The following PDK1 variants were observed in gnomAD, a reference collection of about 807,000 sequenced individuals.
PDK1 encodes pyruvate dehydrogenase kinase 1, also known as [Pyruvate dehydrogenase (acetyl-transferring)] kinase isozyme 1, mitochondrial.
Under a neutral mutation model 54.2 loss-of-function variants are expected in PDK1, and 39 were observed. The ratio of observed to expected loss-of-function variants is 0.72; its 90% confidence interval spans 0.56 to 0.94. The LOEUF is 0.94. PDK1 is among the 40% of genes least tolerant of loss of function. The probability of loss-of-function intolerance (pLI) is 0.00; values close to 1 mark genes in which losing one functional copy is unlikely to be tolerated. For missense variants in PDK1, 552 were observed against 566.0 expected, an observed-to-expected ratio of 0.98 and a Z score of 0.25; for synonymous variants, 221 against 207.1, an observed-to-expected ratio of 1.07 and a Z score of -0.58.
At chr2:172,646,567 T>C in the PDK1 span, among the ~76,000 whole-genome samples, 1 of 151,796 alleles carries the variant, frequency 6.6e-6, no homozygotes, top group Non-Finnish European at 1.5e-5. Context: ...GAGGGATGAA[T>C]TTTGTTAGCC....
Position 172,565,054 on chromosome 2 carries a change from T to C in PDK1, c.672T>C (p.Asn224=), listed in dbSNP as rs201965407. 2 of 1,593,282 alleles carry C rather than the reference T, an allele frequency of 1.3e-6. No individual in the cohort carries two copies. Among genetic ancestry groups the C allele is most frequent in the Non-Finnish European group, 1.7e-6 (2 of 1,161,272 alleles). The change falls in exon 5 of 11, where the codon AAT becomes AAC. Residue 224 remains asparagine, a synonymous_variant. Transcript: ENST00000282077. The part of the protein sequence containing the change: ...KHIGSINPNC[N]VLEVIKDGYE... ...TTGGAAGCATAAATCCAAACTGCAA[T>C]GTACTTGAAGTTATTAAAGGTAAAT... is the stretch of plus-strand genomic sequence containing the variant.
At chr2:172,612,903 G>A (rs192611142), downstream of PDK1, among the ~76,000 whole-genome samples, 241 of 152,116 alleles carry the variant, frequency 1.6e-3, no homozygotes, top group Non-Finnish European at 2.4e-3. Flanking sequence ...CAGGTGATCC[G>A]CCCACCTCGG....
chr2:172,574,976 A>C (rs1311805142), intron 8 of PDK1, among the ~76,000 whole-genome samples: 1 of 152,204 alleles, frequency 6.6e-6, no homozygotes, highest in South Asian at 2.1e-4. Flanking sequence ...GTCTTTCACT[A>C]TTAAGTATGA....
At chr2:172,723,636 T>G in the PDK1 span, 1 of 152,210 alleles carries the variant, frequency 6.6e-6, no homozygotes, top group African/African-American at 2.4e-5. Context: ...CAATGCTCAA[T>G]CCTCCATTGA....
the PDK1 span, among the ~76,000 whole-genome samples, chr2:172,640,955 TTC>T: frequency 1.3e-5 from 2 of 149,784 alleles, no homozygotes; most frequent in African/African-American, 2.5e-5. Context: ...TCTTTTCTCT[TTC>T]TCTGTTTCTC....
chr2:172,580,118 G>A (rs538906270), intron 8 of PDK1, among the ~76,000 whole-genome samples: 3 of 150,302 alleles, frequency 2.0e-5, no homozygotes, highest in South Asian at 4.2e-4. Context: ...TGCATTGTCC[G>A]TTTCCTGAGT....
At chr2:172,577,603 GT>G (rs1032467882) in intron 8 of PDK1, among the ~76,000 whole-genome samples, 13 of 151,994 alleles carry the variant, frequency 8.6e-5, no homozygotes, top group African/African-American at 2.9e-4. Context: ...ATTTCTTTGA[GT>G]TTTTTAAGTA....
At chr2:172,622,493 ATC>A in the PDK1 span, among the ~76,000 whole-genome samples, 887 of 130,516 alleles carry the variant, frequency 6.8e-3, 32 homozygotes, top group East Asian at 0.17. Context: ...ATATGTTTAT[ATC>A]TCATATATTA....
chr2:172,662,586 G>A, the PDK1 span, among the ~76,000 whole-genome samples: 9 of 148,410 alleles, frequency 6.1e-5, no homozygotes, highest in South Asian at 4.3e-4. Flanking sequence ...GAAGGCTGTC[G>A]TACTGATTAT....
intron 1 of PDK1, 47 bp downstream of exon 1, chr2:172,556,393 GGGAGC>G: frequency 7.6e-7 from 1 of 1,321,890 alleles, no homozygotes; most frequent in Non-Finnish European, 9.8e-7. Context: ...GTCCCGGGCG[GGGAGC>G]TGCGGCCGCT....
chr2:172,656,753 C>T, the PDK1 span, among the ~76,000 whole-genome samples: 3 of 151,320 alleles, frequency 2.0e-5, no homozygotes, highest in African/African-American at 7.3e-5. Context: ...CTGTCTTTAC[C>T]AAAAATACAA....
At chr2:172,645,260 C>CTTTTTTTT in the PDK1 span, among the ~76,000 whole-genome samples, 556 of 51,142 alleles carry the variant, frequency 0.011, 186 homozygotes, top group East Asian at 0.14. Flanking sequence ...ACAAAATAGG[C>CTTTTTTTT]TTTTTTTTTT....
At chr2:172,649,467 A>G in the PDK1 span, among the ~76,000 whole-genome samples, 1 of 152,212 alleles carries the variant, frequency 6.6e-6, no homozygotes, top group Non-Finnish European at 1.5e-5. Flanking sequence ...AGTGGAACAA[A>G]GCTGGGTGGA....
chr2:172,672,821 T>G, the PDK1 span, among the ~76,000 whole-genome samples: 1 of 152,338 alleles, frequency 6.6e-6, no homozygotes, highest in South Asian at 2.1e-4. Context: ...GTCGCTCTGC[T>G]GCATTAAATC....
At chr2:172,614,244 G>A in the PDK1 span, among the ~76,000 whole-genome samples, 2 of 151,752 alleles carry the variant, frequency 1.3e-5, no homozygotes, top group East Asian at 1.9e-4. Context: ...TGGAAGGGGC[G>A]AGTCCCCAGT....
In PDK1 at chr2:172,556,218, G is replaced by T; in HGVS notation, c.68G>T (p.Gly23Val). ...AGPGPGLRAA[G>V]FSRSFSSDSG... Reference sequence around the variant, plus strand: ...CCGGGCCCGGGGCTGCGCGCCGCCGGCTTCAGCCGCAGCTTCAGCTCGGAC... The same window carrying T: ...CCGGGCCCGGGGCTGCGCGCCGCCGTCTTCAGCCGCAGCTTCAGCTCGGAC... The change falls in exon 1 of 11, where the codon GGC (glycine) becomes GTC (valine). Residue 23 changes from glycine (G) to valine (V), a missense_variant. Coordinates refer to ENST00000282077, the MANE Select transcript of PDK1 (RefSeq NM_002610.5). 1 of 1,427,120 alleles carries T rather than the reference G, an allele frequency of 7.0e-7. No homozygotes were observed. The highest frequency in any genetic ancestry group is 9.1e-7 in the Non-Finnish European group (1 of 1,097,918). 88.4% of individuals were successfully genotyped at this position (1,427,120 alleles called of 1,614,324 possible). A position where few individuals can be genotyped will look rare whatever the true frequency, so the allele number is the denominator to read the frequency against.
the PDK1 span, among the ~76,000 whole-genome samples, chr2:172,671,085 T>G: frequency 6.6e-6 from 1 of 151,632 alleles, no homozygotes; most frequent in African/African-American, 2.4e-5. Flanking sequence ...TGCCGTGTTT[T>G]GGGTGTCTTT....
At chr2:172,686,261 G>A in the PDK1 span, among the ~76,000 whole-genome samples, 1 of 152,212 alleles carries the variant, frequency 6.6e-6, no homozygotes, top group Non-Finnish European at 1.5e-5. Context: ...GAGAAGTGAA[G>A]CCAGCTGGAT....
the PDK1 span, among the ~76,000 whole-genome samples, chr2:172,668,063 A>T: frequency 6.6e-6 from 1 of 152,128 alleles, no homozygotes; most frequent in East Asian, 1.9e-4. Flanking sequence ...TAAAGGATTG[A>T]CTCTGGGAAA....
Sources: allele counts gnomAD v4.1 joint callset (sites outside exome capture counted in the v4.1 genomes callset), GRCh38; gene constraint gnomAD v4.1.1; transcripts MANE v1.5; gene names NCBI Gene and HGNC (gene_info 2026-07-23, HGNC 2026-07-21).